The following SORL1 variants were observed in gnomAD, a reference collection of about 807,000 sequenced individuals.
The protein encoded by SORL1 is sortilin related receptor 1, also known as sortilin-related receptor.
Under a neutral mutation model 273.7 loss-of-function variants are expected in SORL1, and 127 were observed. That is an observed-to-expected ratio of 0.46 (90% confidence interval 0.40 to 0.54). SORL1 has a LOEUF of 0.54. SORL1 is among the 20% of genes least tolerant of loss of function. SORL1 has a pLI of 0.00. For missense variants in SORL1, 2,494 were observed against 2,846.1 expected, an observed-to-expected ratio of 0.88 and a Z score of 2.81; for synonymous variants, 1,031 against 1,067.4, an observed-to-expected ratio of 0.97 and a Z score of 0.66.
At position 121,520,701 on chromosome 11, in the gene SORL1, G is replaced by A; in HGVS notation, c.1256G>A (p.Gly419Glu). 1.2e-6 allele frequency: 2 copies of A among 1,600,260 alleles called. No individual in the cohort carries two copies. Among genetic ancestry groups the A allele is most frequent in the Non-Finnish European group, 1.7e-6 (2 of 1,174,260 alleles). ...EPFADFHRVEGLQGVYIATLI... is the reference protein window; with the variant it reads ...EPFADFHRVEELQGVYIATLI... ...TTTGCTGACTTCCACCGAGTGGAAG[G>A]ATTGCAAGGAGTCTACATTGCTACT... The change falls in exon 9 of 48, where the codon GGA becomes GAA. Residue 419 changes from glycine (G) to glutamate (E), a missense_variant. Gly to Glu is a moderately conservative substitution (Grantham distance 98). This residue lies in a region of SORL1 where 710 missense variants were observed against 882.5 expected (regional missense o/e 0.80). Transcript: ENST00000260197.
At chr11:121,582,351 T>C (rs932503024) in intron 25 of SORL1, among the ~76,000 whole-genome samples, 1 of 152,268 alleles carries the variant, frequency 6.6e-6, no homozygotes, top group Non-Finnish European at 1.5e-5. Context: ...GTGTTTTGTT[T>C]CTTTCCGTTG....
Position 121,509,376 on chromosome 11 carries a change from C to A in SORL1, c.940-3627C>A, listed in dbSNP as rs1861838777. ...TGTCCTTTATTTAGTTCCTTTACTC[C>A]TCTTTTCTCCTTGATCCTCCGTTTC... On this transcript the variant is annotated intron_variant, in intron 6 of 47. Transcript: ENST00000260197. Among the ~76,000 whole-genome samples the A allele has an allele frequency of 2.0e-5, 3 of 152,286 alleles. No individual in the cohort carries two copies. In the South Asian group the frequency reaches 6.2e-4, roughly 32 times the overall value.
In SORL1 at chr11:121,481,611, G is replaced by T. The variant is rs1861388861; in HGVS notation, c.528+3368G>T. Among the ~76,000 whole-genome samples, 2 of 94,882 alleles carry T rather than the reference G, an allele frequency of 2.1e-5. 1 individual carries two copies. Among genetic ancestry groups the T allele is most frequent in the African/African-American group, 9.7e-5 (2 of 20,606 alleles). The allele number at this position is 94,882 out of a possible 152,430, so 62.2% of individuals were successfully genotyped here. On this transcript the variant is annotated intron_variant, in intron 3 of 47. Transcript: ENST00000260197. ...TCCCCTAGTGCACAGATACCTATAG[G>T]CAGGCTTCATCTCCCCAGCTCCTCC...
At chr11:121,508,519 A>T (rs141492607) in intron 6 of SORL1, among the ~76,000 whole-genome samples, 2 of 152,258 alleles carry the variant, frequency 1.3e-5, no homozygotes, top group Non-Finnish European at 1.5e-5. Context: ...GAACCAAGTC[A>T]GGCTATGTAA....
chr11:121,597,650 A>T (rs1331887630), intron 32 of SORL1, among the ~76,000 whole-genome samples: 1 of 152,020 alleles, frequency 6.6e-6, no homozygotes, highest in African/African-American at 2.4e-5. Context: ...CAGTACAGAC[A>T]GGTTTTGCCA....
At chr11:121,480,248 G>A (rs761451928) in intron 3 of SORL1, among the ~76,000 whole-genome samples, 19 of 152,056 alleles carry the variant, frequency 1.2e-4, no homozygotes, top group Admixed American at 2.6e-4. Context: ...ATTAAACAAT[G>A]TATGTATGTT....
Position 121,596,542 on chromosome 11 carries a change from A to G in SORL1, c.4519+770A>G, listed in dbSNP as rs902542750. Among the ~76,000 whole-genome samples, 4 of 152,132 alleles carry G rather than the reference A, an allele frequency of 2.6e-5. No homozygotes were observed. The highest frequency in any genetic ancestry group is 9.7e-5 in the African/African-American group (4 of 41,424). ...CTGGACGGTGCTTATGCAGCCCCCCACCGGCCTGCCTCTCTGACGGTTGGG... is the reference window on the plus strand; with the variant it reads ...CTGGACGGTGCTTATGCAGCCCCCCGCCGGCCTGCCTCTCTGACGGTTGGG... On this transcript the variant is annotated intron_variant, in intron 32 of 47. Coordinates refer to ENST00000260197, the MANE Select transcript of SORL1 (RefSeq NM_003105.6). This position sits in a 1 kb window ranked among gnomAD's most constrained non-coding sequence, Gnocchi z 4.3.
intron 25 of SORL1, among the ~76,000 whole-genome samples, chr11:121,581,586 C>T (rs1340815572): frequency 6.6e-6 from 1 of 152,084 alleles, no homozygotes; most frequent in Non-Finnish European, 1.5e-5. Flanking sequence ...ATTTACCGGG[C>T]ACTCAAAATC....
At chr11:121,484,594 G>A (rs1861444676) in intron 3 of SORL1, among the ~76,000 whole-genome samples, 1 of 152,114 alleles carries the variant, frequency 6.6e-6, no homozygotes, top group Non-Finnish European at 1.5e-5. Context: ...GGGACGTGGG[G>A]AGGGAGAATT....
chr11:121,574,163 G>A, intron 23 of SORL1, 78 bp from the exon 24 acceptor site: 1 of 1,397,340 alleles, frequency 7.2e-7, no homozygotes, highest in Non-Finnish European at 1.0e-6. Context: ...TTTTTTAATT[G>A]GTTTTCCAGT....
rs143656684 is a variant in SORL1, at chr11:121,475,197, G to A, written c.403-2921G>A. 2.0e-3 allele frequency among the ~76,000 whole-genome samples: 298 copies of A among 152,292 alleles called. 2 individuals are homozygous for A. The highest frequency in any genetic ancestry group is 6.9e-3 in the African/African-American group (288 of 41,562). On this transcript the variant is annotated intron_variant, in intron 2 of 47. Coordinates refer to ENST00000260197, the MANE Select transcript of SORL1 (RefSeq NM_003105.6). The stretch of plus-strand genomic sequence containing the variant: ...TGGGAAGATTGCTTGACCCCGGGAG[G>A]TCAAGGCTGCAGTGAGCTGTGCTTG...
chr11:121,580,278 G>C (rs1406148389), intron 25 of SORL1, among the ~76,000 whole-genome samples: 1 of 152,184 alleles, frequency 6.6e-6, no homozygotes, highest in Admixed American at 6.5e-5. Flanking sequence ...TCGTTGGACT[G>C]CCTCATTCTG....
At chr11:121,569,076 C>A (rs1422551762) in intron 22 of SORL1, among the ~76,000 whole-genome samples, 1 of 152,168 alleles carries the variant, frequency 6.6e-6, no homozygotes, top group East Asian at 1.9e-4. Context: ...ATTTCTTATG[C>A]CTGTCTTTAC....
rs1174611896 is a variant in SORL1 at position 121,554,481 on chromosome 11, A to G, written c.2439+372A>G. 6.6e-6 allele frequency among the ~76,000 whole-genome samples: 1 copy of G among 152,244 alleles called. No individual in the cohort carries two copies. The highest frequency in any genetic ancestry group is 2.4e-5 in the African/African-American group (1 of 41,456). ...ATACAGTAACACTTGACTTACCCATAGCTCACATAATTATCCACTTCAGCT... is the reference window on the plus strand; with the variant it reads ...ATACAGTAACACTTGACTTACCCATGGCTCACATAATTATCCACTTCAGCT... On this transcript the variant is annotated intron_variant, in intron 17 of 47. Transcript: ENST00000260197. This position sits in a 1 kb window ranked among gnomAD's most constrained non-coding sequence, Gnocchi z 4.6.
chr11:121,489,404 G>C (rs1861518956), intron 4 of SORL1, among the ~76,000 whole-genome samples: 2 of 152,016 alleles, frequency 1.3e-5, no homozygotes, highest in South Asian at 4.1e-4. Context: ...CCCAGCCCCT[G>C]GCAACCACCA....
At chr11:121,558,145 AACACACACATAT>A (rs1457721573) in intron 19 of SORL1, among the ~76,000 whole-genome samples, 9 of 152,242 alleles carry the variant, frequency 5.9e-5, no homozygotes, top group Non-Finnish European at 1.3e-4. Context: ...TTATCTTTAA[AACACACACATAT>A]ACACACACAT....
intron 3 of SORL1, among the ~76,000 whole-genome samples, chr11:121,483,341 A>G (rs993715083): frequency 1.3e-5 from 2 of 152,212 alleles, no homozygotes; most frequent in Non-Finnish European, 2.9e-5. Context: ...TTTTCCAGGC[A>G]GAGGTTGGTC....
chr11:121,564,136 C>T (rs1461904867), intron 21 of SORL1, among the ~76,000 whole-genome samples: 1 of 152,186 alleles, frequency 6.6e-6, no homozygotes, highest in African/African-American at 2.4e-5. Context: ...TTTCATATTG[C>T]CTGGTCCACT....
At chr11:121,568,420 C>T (rs1862783673) in intron 22 of SORL1, among the ~76,000 whole-genome samples, 1 of 152,190 alleles carries the variant, frequency 6.6e-6, no homozygotes, top group African/African-American at 2.4e-5. Flanking sequence ...GAAAGCTACT[C>T]CATATTTCCC....
Sources: gnomAD v4.1 joint callset for allele counts (sites outside exome capture counted in the v4.1 genomes callset) on GRCh38, gnomAD v4.1.1 for gene constraint, gnomAD v4.1.1 regional missense constraint, Gnocchi (gnomAD v3.1) non-coding constraint, MANE v1.5 for transcripts, NCBI Gene and HGNC (gene_info 2026-07-23, HGNC 2026-07-21) for gene names.